PEAK1: variants seen among roughly 807,000 people sequenced by gnomAD.
PEAK1 encodes inactive tyrosine-protein kinase PEAK1.
In PEAK1, 54 loss-of-function variants were observed where a neutral mutation model predicts 124.7. The observed-to-expected ratio is 0.43, with a 90% CI of 0.35 to 0.54. The LOEUF (loss-of-function observed/expected upper bound fraction) is 0.54, where lower values mean the gene tolerates loss of function less well. Among genes scored for constraint, PEAK1 ranks in the 20% least tolerant of loss-of-function variants. The pLI, the probability that PEAK1 is intolerant of heterozygous loss-of-function variation, is 0.01. For missense variants in PEAK1, 2,046 were observed against 2,134.5 expected, an observed-to-expected ratio of 0.96 and a Z score of 0.82; for synonymous variants, 719 against 760.0, an observed-to-expected ratio of 0.95 and a Z score of 0.89.
intron 6 of PEAK1, among the ~76,000 whole-genome samples, chr15:77,244,009 T>C (rs770703371): frequency 6.6e-6 from 1 of 151,846 alleles, no homozygotes; most frequent in African/African-American, 2.4e-5. Context: ...CCACAGATGG[T>C]TGGCAAAAGT....
intron 6 of PEAK1, among the ~76,000 whole-genome samples, chr15:77,250,712 C>T (rs1182899845): frequency 6.6e-6 from 1 of 152,046 alleles, no homozygotes; most frequent in Non-Finnish European, 1.5e-5. Flanking sequence ...GGATTACAGG[C>T]GTATGCCACT....
chr15:77,189,562 C>T, intron 6 of PEAK1, among the ~76,000 whole-genome samples: 1 of 152,192 alleles, frequency 6.6e-6, no homozygotes, highest in Admixed American at 6.5e-5. Context: ...AGTCCAGGTG[C>T]TCACTGCAGA....
In PEAK1 at chr15:77,252,542, AAT is replaced by A; in HGVS notation, c.-274-18_-274-17del. The A allele has an allele frequency of 4.1e-6, 4 of 977,530 alleles. No individual in the cohort carries two copies. Among genetic ancestry groups the A allele is most frequent in the Non-Finnish European group, 4.9e-6 (4 of 822,730 alleles). 60.6% of individuals were successfully genotyped at this position (977,530 alleles called of 1,614,324 possible). A position where few individuals can be genotyped will look rare whatever the true frequency, so the allele number is the denominator to read the frequency against. On this transcript the variant is annotated splice_polypyrimidine_tract_variant and intron_variant, in intron 5 of 9. Coordinates refer to ENST00000682557, the MANE Select transcript of PEAK1 (RefSeq NM_001385026.1). The stretch of plus-strand genomic sequence containing the variant: ...GCAATGTTTACTGCAAGAGAAAAAA[AAT>A]AGAGCAAAACTGGAGAGTAATATAA...
At chr15:77,237,858 C>G (rs1236153305) in intron 6 of PEAK1, among the ~76,000 whole-genome samples, 6 of 152,098 alleles carry the variant, frequency 3.9e-5, no homozygotes, top group Admixed American at 6.6e-5. Flanking sequence ...AATTCTCTTG[C>G]TATGCCTACT....
At chr15:77,265,075 C>T (rs1354226528) in intron 5 of PEAK1, among the ~76,000 whole-genome samples, 1 of 152,100 alleles carries the variant, frequency 6.6e-6, no homozygotes, top group Admixed American at 6.5e-5. Context: ...AAACTGGATC[C>T]CTTCCTTACA....
intron 2 of PEAK1, among the ~76,000 whole-genome samples, chr15:77,296,634 G>C (rs1027306352): frequency 6.6e-6 from 1 of 150,664 alleles, no homozygotes; most frequent in Admixed American, 6.6e-5. Flanking sequence ...ATAAATAAAA[G>C]AAAATAAATG....
rs765959319 is a variant in PEAK1 at position 77,181,634 on chromosome 15, T to A, written c.293A>T (p.Lys98Ile). ...TCGGTTCCACCCTATGATGACAGGTTTGTTCTCACAGTGTTCTTGGATGCT... is the reference window on the plus strand; with the variant it reads ...TCGGTTCCACCCTATGATGACAGGTATGTTCTCACAGTGTTCTTGGATGCT... ...ELSIQEHCEN[K>I]PVIIGWNRNR... The change falls in exon 7 of 10, where the codon AAA becomes ATA. Residue 98 changes from lysine (K) to isoleucine (I), a missense_variant. Transcript: ENST00000682557. 6.2e-7 allele frequency: 1 copy of A among 1,614,030 alleles called. No homozygotes were observed. The highest frequency in any genetic ancestry group is 8.5e-7 in the Non-Finnish European group (1 of 1,180,040).
chr15:77,152,631 T>C (rs952525105), intron 8 of PEAK1, among the ~76,000 whole-genome samples: 7 of 152,212 alleles, frequency 4.6e-5, no homozygotes, highest in Non-Finnish European at 8.8e-5. Flanking sequence ...GGGTTTGTCA[T>C]AGATAGCTCT....
intron 9 of PEAK1, among the ~76,000 whole-genome samples, chr15:77,125,976 G>T (rs1566997827): frequency 6.6e-6 from 1 of 152,186 alleles, no homozygotes; most frequent in Admixed American, 6.5e-5. Flanking sequence ...AACAGGTGCT[G>T]TTTATAATTG....
intron 7 of PEAK1, among the ~76,000 whole-genome samples, chr15:77,159,916 C>T (rs2055481055): frequency 6.6e-6 from 1 of 152,134 alleles, no homozygotes; most frequent in Non-Finnish European, 1.5e-5. Flanking sequence ...CAAAAATATC[C>T]TTTCAAAGTT....
chr15:77,215,913 T>G (rs2059129457), intron 6 of PEAK1, among the ~76,000 whole-genome samples: 1 of 20,014 alleles, frequency 5.0e-5, no homozygotes, highest in Admixed American at 4.8e-4. Context: ...ATATTTTATA[T>G]TTATATTTAT....
At chr15:77,209,325 GCATC>G (rs1279513081) in intron 6 of PEAK1, among the ~76,000 whole-genome samples, 6 of 151,882 alleles carry the variant, frequency 4.0e-5, no homozygotes, top group Non-Finnish European at 5.9e-5. Context: ...TCAAGACACT[GCATC>G]CATTTTATCC....
chr15:77,407,974 C>CACATATAT (rs2072006100), intron 1 of PEAK1, among the ~76,000 whole-genome samples: 4 of 148,874 alleles, frequency 2.7e-5, no homozygotes, highest in Non-Finnish European at 5.9e-5. Flanking sequence ...CACATATATA[C>CACATATAT]ACACATATAC....
At chr15:77,105,733 G>A (rs2050744644), downstream of PEAK1, 1 of 152,378 alleles carries the variant, frequency 6.6e-6, no homozygotes, top group Non-Finnish European at 1.5e-5. Flanking sequence ...CCAGGCAATG[G>A]AGAGCTCCCC....
intron 2 of PEAK1, chr15:77,337,453 A>C: frequency 1.0e-6 from 1 of 976,254 alleles, no homozygotes; most frequent in Non-Finnish European, 1.2e-6. Context: ...TGAAATTAAT[A>C]GGTCTGTAAC....
intron 1 of PEAK1, among the ~76,000 whole-genome samples, chr15:77,406,959 G>A (rs1441065182): frequency 6.6e-6 from 1 of 152,108 alleles, no homozygotes; most frequent in Non-Finnish European, 1.5e-5. Context: ...AGAGAACCAA[G>A]AAATAAAGCC....
chr15:77,170,004 A>G (rs909134668), intron 7 of PEAK1, among the ~76,000 whole-genome samples: 2 of 152,226 alleles, frequency 1.3e-5, no homozygotes, highest in African/African-American at 2.4e-5. Flanking sequence ...AGGGATGAAG[A>G]TAATAGGGTC....
chr15:77,371,841 G>A (rs1433827328), intron 1 of PEAK1, among the ~76,000 whole-genome samples: 1 of 152,212 alleles, frequency 6.6e-6, no homozygotes, highest in Admixed American at 6.5e-5. Flanking sequence ...CTGAGATCGC[G>A]CCACTGCGCT....
At chr15:77,382,543 C>G (rs1301457019) in intron 1 of PEAK1, among the ~76,000 whole-genome samples, 2 of 152,182 alleles carry the variant, frequency 1.3e-5, no homozygotes, top group East Asian at 1.9e-4. Flanking sequence ...CACACCAAAT[C>G]TGCATTAGGC....
Sources: gnomAD v4.1 joint callset for allele counts (sites outside exome capture counted in the v4.1 genomes callset) on GRCh38, gnomAD v4.1.1 for gene constraint, MANE v1.5 for transcripts, NCBI Gene and HGNC (gene_info 2026-07-23, HGNC 2026-07-21) for gene names.